INTS2: variants seen among roughly 807,000 people sequenced by gnomAD.
INTS2 encodes the protein KIAA1287.
INTS2 carries 57 observed loss-of-function variants against 139.6 expected under a neutral mutation model. That is an observed-to-expected ratio of 0.41 (90% confidence interval 0.33 to 0.51). INTS2 has a LOEUF of 0.51. INTS2 is among the 20% of genes least tolerant of loss of function. The probability of loss-of-function intolerance (pLI) is 0.28; values close to 1 mark genes in which losing one functional copy is unlikely to be tolerated. For synonymous variants in INTS2, 473 were observed against 493.4 expected (o/e 0.96, Z 0.55); for missense variants, 1,196 against 1,436.7 (o/e 0.83, Z 2.71).
At chr17:61,914,873 C>CAAAA in intron 5 of INTS2, among the ~76,000 whole-genome samples, 1 of 116,698 alleles carries the variant, frequency 8.6e-6, no homozygotes, top group African/African-American at 3.1e-5. Context: ...GACACTATCT[C>CAAAA]AAAAAAAAAA....
intron 4 of INTS2, among the ~76,000 whole-genome samples, chr17:61,919,786 T>G (rs1193324988): frequency 2.0e-5 from 3 of 152,078 alleles, no homozygotes; most frequent in African/African-American, 7.2e-5. Context: ...TACAGTGCAG[T>G]GGTGTGATTA....
chr17:61,878,339 G>T (rs2079144498), intron 17 of INTS2, among the ~76,000 whole-genome samples: 1 of 152,030 alleles, frequency 6.6e-6, no homozygotes, highest in South Asian at 2.1e-4. Context: ...AAGGCGGGTG[G>T]ATCACTTGAG....
At chr17:61,921,335 C>G (rs2143167011) in intron 4 of INTS2, 1 of 153,172 alleles carries the variant, frequency 6.5e-6, no homozygotes, top group Middle Eastern at 3.4e-3. Flanking sequence ...CAGAGCAAGA[C>G]TCTGTCTCTA....
chr17:61,877,998 G>C lies in INTS2; in HGVS notation c.2345C>G (p.Ala782Gly). 1 of 1,611,264 alleles carries C rather than the reference G, an allele frequency of 6.2e-7. No homozygotes were observed. Among genetic ancestry groups the C allele is most frequent in the Non-Finnish European group, 8.5e-7 (1 of 1,177,472 alleles). ...GCTCATATTGGATGTTAACACTTCCGCATATGGTATAAGTTCACTGGCAGA... is the reference window on the plus strand; with the variant it reads ...GCTCATATTGGATGTTAACACTTCCCCATATGGTATAAGTTCACTGGCAGA... ...LLSASELIPYAEVLTSNMSQL... is the reference protein window; with the variant it reads ...LLSASELIPYGEVLTSNMSQL... Residue 782 changes from alanine (A) to glycine (G), a missense_variant, in exon 18 of 25, where the codon GCG becomes GGG. By Grantham distance (60) the Ala-to-Gly change is moderately conservative. Transcript: ENST00000251334.
chr17:61,878,807 T>G (rs2079148426), intron 17 of INTS2, among the ~76,000 whole-genome samples: 2 of 151,252 alleles, frequency 1.3e-5, no homozygotes, highest in Non-Finnish European at 1.5e-5. Context: ...CTGGATGTGG[T>G]GGTGTACCTG....
intron 3 of INTS2, among the ~76,000 whole-genome samples, chr17:61,923,358 T>C (rs2079669895): frequency 1.3e-5 from 2 of 149,834 alleles, no homozygotes; most frequent in South Asian, 2.1e-4. Flanking sequence ...GCACCTGTAG[T>C]CCCAGCTACT....
At chr17:61,925,695 C>T (rs2079704257) in intron 2 of INTS2, among the ~76,000 whole-genome samples, 2 of 152,214 alleles carry the variant, frequency 1.3e-5, no homozygotes, top group East Asian at 3.9e-4. Context: ...GGACATAGCA[C>T]CTGCCCAGAA....
rs780717831 is a variant in INTS2, at chr17:61,867,991, C to T, written c.3263G>A (p.Arg1088Gln). ...TLLTVLTQAK[R>Q]YAFFMPTLPS... ...CAGAGTTGGCATAAAAAAAGCATAC[C>T]GCTTAGCCTGTGTTAAAACTGTTGG... Residue 1088 changes from arginine to glutamine, a missense_variant, in exon 24 of 25, where the codon CGG (arginine) becomes CAG (glutamine). This residue lies in a region of INTS2 where 1,129 missense variants were observed against 1,341.9 expected (regional missense o/e 0.84). Transcript: ENST00000251334. This position sits in a 1 kb window ranked among gnomAD's most constrained non-coding sequence, Gnocchi z 5.6. 4.4e-6 allele frequency: 7 copies of T among 1,585,090 alleles called. No individual in the cohort carries two copies. The highest frequency in any genetic ancestry group is 2.2e-5 in the East Asian group (1 of 44,784).
In INTS2 at chr17:61,909,234, C is replaced by T. The variant is rs998522992; in HGVS notation, c.955-1600G>A. 5.3e-5 allele frequency among the ~76,000 whole-genome samples: 8 copies of T among 152,160 alleles called. No homozygotes were observed. In the East Asian group the frequency reaches 1.5e-3, roughly 29 times the overall value. On this transcript the variant is annotated intron_variant, in intron 7 of 24. Transcript: ENST00000251334. The surrounding 1 kb of genome is among the most constrained non-coding windows in gnomAD (Gnocchi z 4.9). ...TCAAGCGATTCTCCTGCCTCAGCCT[C>T]CCGAGTAGCTGGGACTACAGGCACG...
intron 14 of INTS2, among the ~76,000 whole-genome samples, chr17:61,890,649 T>C (rs1172470832): frequency 6.7e-6 from 1 of 150,278 alleles, no homozygotes; most frequent in African/African-American, 2.4e-5. Flanking sequence ...AATGTAGGTG[T>C]ATCTTAGATT....
intron 17 of INTS2, among the ~76,000 whole-genome samples, chr17:61,880,298 G>A (rs927574094): frequency 6.6e-6 from 1 of 151,702 alleles, no homozygotes; most frequent in Non-Finnish European, 1.5e-5. Context: ...CGCCTGCCTC[G>A]GCCTTCCAAA....
rs560285527 is a variant in INTS2, at chr17:61,874,079, C to T, written c.2582+834G>A. The T allele has an allele frequency of 4.1e-4, 63 of 152,202 alleles. 1 individual carries two copies. Among genetic ancestry groups the T allele is most frequent in the African/African-American group, 1.4e-3 (60 of 41,516 alleles). 9.4% of individuals were successfully genotyped at this position (152,202 alleles called of 1,614,324 possible). On this transcript the variant is annotated intron_variant, in intron 19 of 24. Coordinates refer to ENST00000251334, the MANE Select transcript of INTS2 (RefSeq NM_001351695.2). ...TCACCTAAACCCTATGTCCACTCTT[C>T]TTTTTTTAAGTTTAAATAAAGCAGT...
intron 9 of INTS2, among the ~76,000 whole-genome samples, chr17:61,901,365 G>GA (rs1373703060): frequency 1.3e-5 from 2 of 151,012 alleles, no homozygotes; most frequent in South Asian, 2.1e-4. Context: ...AAAAGGCAGG[G>GA]AAAAAAAGCA....
Position 61,926,430 on chromosome 17 carries a change from G to A in INTS2, c.215C>T (p.Ala72Val). Residue 72 changes from alanine (A) to valine (V), a missense_variant, in exon 2 of 25, where the codon GCT becomes GTT. Transcript: ENST00000251334. ...LILRLLSGVEAVNSIVALLSV... is the reference protein window; with the variant it reads ...LILRLLSGVEVVNSIVALLSV... Reference sequence around the variant, plus strand: ...CAACAATGCAACAATGGAGTTGACAGCTTCCACTCCAGAAAGAAGGCGAAG... The same window carrying A: ...CAACAATGCAACAATGGAGTTGACAACTTCCACTCCAGAAAGAAGGCGAAG... 1 of 1,613,818 alleles carries A rather than the reference G, an allele frequency of 6.2e-7. No homozygotes were observed. Among genetic ancestry groups the A allele is most frequent in the South Asian group, 1.1e-5 (1 of 91,082 alleles).
rs1327669865 is a variant in INTS2, at chr17:61,866,182, T to C, written c.*1375A>G. 6.6e-6 allele frequency: 1 copy of C among 151,882 alleles called. No homozygotes were observed. Among genetic ancestry groups the C allele is most frequent in the Non-Finnish European group, 1.5e-5 (1 of 68,040 alleles). The allele number at this position is 151,882 out of a possible 1,614,324, so 9.4% of individuals were successfully genotyped here. ...GAGTTCAAAACCAGTCTGGGCAACATGGCAAACCCCCGTCTTTACTAAAAA... is the reference window on the plus strand; with the variant it reads ...GAGTTCAAAACCAGTCTGGGCAACACGGCAAACCCCCGTCTTTACTAAAAA... On this transcript the variant is annotated 3_prime_UTR_variant, in exon 25 of 25. Coordinates refer to ENST00000251334, the MANE Select transcript of INTS2 (RefSeq NM_001351695.2).
At position 61,926,474 on chromosome 17, in the gene INTS2, AG is replaced by A. The variant is rs1236709532; in HGVS notation, c.170del (p.Ala57ValfsTer31). ...GGCGAAGGATGAGTTTCTTATCCTG[AG>A]CCCAGCTTTGGCTCTGGTCAGCAGG... Reference protein sequence around the residue: ...CAPADQSQSWAQDKKLILRLL... With the variant: ...CAPADQSQSWXQDKKLILRLL... On this transcript the variant is annotated frameshift_variant, in exon 2 of 25. Coordinates refer to ENST00000251334, the MANE Select transcript of INTS2 (RefSeq NM_001351695.2). LOFTEE classifies it high-confidence loss of function. The A allele has an allele frequency of 6.2e-7, 1 of 1,613,884 alleles. No homozygotes were observed. The highest frequency in any genetic ancestry group is 8.5e-7 in the Non-Finnish European group (1 of 1,179,898).
intron 3 of INTS2, among the ~76,000 whole-genome samples, chr17:61,922,509 AACATATATATATATATATAT>A (rs766503642): frequency 2.0e-5 from 1 of 49,066 alleles, no homozygotes; most frequent in Non-Finnish European, 4.6e-5. Flanking sequence ...AAAACAAACA[AACATATATATATATATATAT>A]ATATATATAT....
intron 11 of INTS2, among the ~76,000 whole-genome samples, chr17:61,896,936 C>G (rs2145936144): frequency 6.6e-6 from 1 of 152,210 alleles, no homozygotes; most frequent in African/African-American, 2.4e-5. Context: ...AATAATCCAA[C>G]AGGTGTATGA....
chr17:61,869,574 T>TA lies in INTS2; in HGVS notation c.3030+162dup, dbSNP rs367582952. ...TAAACTATCGAACATTTCATTAGGT[T>TA]AAAAAAAAAAACAACTAAAAATCTG... On this transcript the variant is annotated intron_variant, in intron 21 of 24. Coordinates refer to ENST00000251334, the MANE Select transcript of INTS2 (RefSeq NM_001351695.2). This position sits in a 1 kb window ranked among gnomAD's most constrained non-coding sequence, Gnocchi z 5.4. 1.7e-4 allele frequency among the ~76,000 whole-genome samples: 25 copies of TA among 145,770 alleles called. No individual in the cohort carries two copies. The highest frequency in any genetic ancestry group is 4.0e-4 in the East Asian group (2 of 5,038).
Sources: allele counts gnomAD v4.1 joint callset (sites outside exome capture counted in the v4.1 genomes callset), GRCh38; gene constraint gnomAD v4.1.1; regional missense constraint gnomAD v4.1.1; non-coding constraint Gnocchi (gnomAD v3.1); transcripts MANE v1.5; gene names NCBI Gene and HGNC (gene_info 2026-07-23, HGNC 2026-07-21).